KCNH5: variants seen among roughly 807,000 people sequenced by gnomAD.
KCNH5 encodes potassium voltage-gated channel subfamily H member 5.
A neutral mutation model predicts 96.1 loss-of-function variants in KCNH5; 46 were observed. That is an observed-to-expected ratio of 0.48 (90% CI 0.38 to 0.61). The LOEUF (loss-of-function observed/expected upper bound fraction) is 0.61. Ranked by LOEUF, KCNH5 falls within the 20% of genes least tolerant of loss-of-function variation. KCNH5 has a pLI of 0.00. For synonymous variants in KCNH5, 439 were observed against 449.8 expected (o/e 0.98, Z 0.30); for missense variants, 907 against 1,225.8 (o/e 0.74, Z 3.88).
intron 8 of KCNH5, among the ~76,000 whole-genome samples, chr14:62,837,989 G>C (rs1479726522): frequency 6.6e-6 from 1 of 152,100 alleles, no homozygotes; most frequent in African/African-American, 2.4e-5. Context: ...TAGGCAGGCT[G>C]CTTCCCATTA....
chr14:62,943,464 A>C (rs570313634), intron 7 of KCNH5, among the ~76,000 whole-genome samples: 1 of 152,328 alleles, frequency 6.6e-6, no homozygotes, highest in African/African-American at 2.4e-5. Context: ...TTAGGGGCTC[A>C]ATAATAAGAT....
In KCNH5 at chr14:62,747,112, T is replaced by C. The variant is rs184427268; in HGVS notation, c.2019+32616A>G. ...ACTTCGGGAACCCGAGGCGGGTGGA[T>C]CACCTGAGGTCAGGAGTTCAAGACC... On this transcript the variant is annotated intron_variant, in intron 10 of 10. Transcript: ENST00000322893. Among the ~76,000 whole-genome samples the C allele has an allele frequency of 7.4e-3, 1,126 of 152,270 alleles. 8 individuals are homozygous for C. The highest frequency in any genetic ancestry group is 0.012 in the Non-Finnish European group (826 of 68,004).
At chr14:62,835,140 C>T (rs371970137) in intron 8 of KCNH5, among the ~76,000 whole-genome samples, 103 of 152,082 alleles carry the variant, frequency 6.8e-4, no homozygotes, top group African/African-American at 2.4e-3. Context: ...CCAAAAGACT[C>T]GAAAGCTCAA....
At chr14:62,844,927 G>A (rs1344040358) in intron 8 of KCNH5, among the ~76,000 whole-genome samples, 2 of 152,120 alleles carry the variant, frequency 1.3e-5, no homozygotes, top group African/African-American at 2.4e-5. Flanking sequence ...TCATTGGGGC[G>A]AAGGTTTTTT....
intron 9 of KCNH5, among the ~76,000 whole-genome samples, chr14:62,796,722 C>T (rs113720928): frequency 1.1e-4 from 16 of 152,214 alleles, no homozygotes; most frequent in African/African-American, 1.4e-4. Context: ...GAAGTCCTGA[C>T]GACATGTGCC....
intron 10 of KCNH5, among the ~76,000 whole-genome samples, chr14:62,756,118 A>C (rs188507330): frequency 1.1e-4 from 17 of 152,280 alleles, no homozygotes; most frequent in Admixed American, 3.3e-4. Flanking sequence ...CTAAGATACA[A>C]AATCAACATG....
chr14:62,814,609 G>A (rs1013518760), intron 8 of KCNH5, among the ~76,000 whole-genome samples: 3 of 151,068 alleles, frequency 2.0e-5, no homozygotes, highest in African/African-American at 4.9e-5. Flanking sequence ...ATGGCAAAAC[G>A]CTATCTCTAC....
At chr14:62,871,060 C>G (rs1888243844) in intron 7 of KCNH5, among the ~76,000 whole-genome samples, 1 of 152,180 alleles carries the variant, frequency 6.6e-6, no homozygotes, top group South Asian at 2.1e-4. Flanking sequence ...GTTTTCACTG[C>G]AATTGAACAT....
At chr14:62,962,571 A>G (rs1315031219) in intron 6 of KCNH5, among the ~76,000 whole-genome samples, 1 of 152,172 alleles carries the variant, frequency 6.6e-6, no homozygotes, top group Admixed American at 6.6e-5. Flanking sequence ...GTGGAAGAAC[A>G]TATTGAAGGT....
intron 10 of KCNH5, among the ~76,000 whole-genome samples, chr14:62,722,393 T>TA (rs1161432275): frequency 1.3e-5 from 2 of 151,968 alleles, no homozygotes; most frequent in African/African-American, 4.8e-5. Context: ...ATTATAAAGA[T>TA]GAAAAAAAAC....
intron 10 of KCNH5, among the ~76,000 whole-genome samples, chr14:62,756,816 C>T (rs1185105970): frequency 1.3e-5 from 2 of 152,188 alleles, no homozygotes; most frequent in Non-Finnish European, 2.9e-5. Context: ...GGATTAAAGA[C>T]TTAAATCTAT....
chr14:62,713,072 C>T (rs1884606353), intron 10 of KCNH5, among the ~76,000 whole-genome samples: 1 of 152,162 alleles, frequency 6.6e-6, no homozygotes, highest in Non-Finnish European at 1.5e-5. Context: ...TTTCTGTCTG[C>T]TTTGCTAACT....
chr14:62,785,134 T>G (rs182684283), intron 9 of KCNH5, among the ~76,000 whole-genome samples: 264 of 152,342 alleles, frequency 1.7e-3, no homozygotes, highest in Middle Eastern at 6.8e-3. Flanking sequence ...TTTGTTGGCT[T>G]TCTATGTCAC....
intron 8 of KCNH5, among the ~76,000 whole-genome samples, chr14:62,809,728 G>T (rs747684427): frequency 6.6e-6 from 1 of 152,030 alleles, no homozygotes; most frequent in Non-Finnish European, 1.5e-5. Context: ...CAGTCTTACC[G>T]GAATTTGTCT....
intron 10 of KCNH5, among the ~76,000 whole-genome samples, chr14:62,711,331 C>A (rs1884562982): frequency 6.6e-6 from 1 of 151,554 alleles, no homozygotes; most frequent in Non-Finnish European, 1.5e-5. Flanking sequence ...GGGGTCTTGG[C>A]ACAGGGCTTG....
intron 10 of KCNH5, among the ~76,000 whole-genome samples, chr14:62,726,002 A>G (rs1333619206): frequency 1.3e-5 from 2 of 152,238 alleles, no homozygotes; most frequent in Non-Finnish European, 2.9e-5. Flanking sequence ...ACTCACACAT[A>G]TTTGGACACT....
chr14:62,755,402 T>C (rs1885600335), intron 10 of KCNH5, among the ~76,000 whole-genome samples: 1 of 152,146 alleles, frequency 6.6e-6, no homozygotes, highest in African/African-American at 2.4e-5. Flanking sequence ...ATCCAAAACT[T>C]GATAGACCAA....
At chr14:62,725,382 A>G (rs1217185988) in intron 10 of KCNH5, among the ~76,000 whole-genome samples, 1 of 152,188 alleles carries the variant, frequency 6.6e-6, no homozygotes, top group African/African-American at 2.4e-5. Context: ...GTAGTCTCCT[A>G]TTATCTTTGG....
chr14:62,823,821 G>A (rs1452290098), intron 8 of KCNH5, among the ~76,000 whole-genome samples: 1 of 151,824 alleles, frequency 6.6e-6, no homozygotes, highest in Non-Finnish European at 1.5e-5. Flanking sequence ...ATCCCTGCTT[G>A]TCAATATGAC....
Sources: allele counts gnomAD v4.1 joint callset (sites outside exome capture counted in the v4.1 genomes callset), GRCh38; gene constraint gnomAD v4.1.1; transcripts MANE v1.5; gene names NCBI Gene and HGNC (gene_info 2026-07-23, HGNC 2026-07-21).